Variants in ATP9B observed in about 807,000 individuals in gnomAD.
ATP9B encodes the protein ATPase phospholipid transporting 9B, also known as probable phospholipid-transporting ATPase IIB.
Under a neutral mutation model 146.1 loss-of-function variants are expected in ATP9B, and 110 were observed. That is an observed-to-expected ratio of 0.75 (90% CI 0.65 to 0.88). The LOEUF is 0.88. ATP9B is among the 40% of genes least tolerant of loss of function. The pLI, the probability that ATP9B is intolerant of heterozygous loss-of-function variation, is 0.00. For synonymous variants in ATP9B, 604 were observed against 569.7 expected (o/e 1.06, Z -0.86); for missense variants, 1,499 against 1,496.4 (o/e 1.00, Z -0.03).
intron 19 of ATP9B, among the ~76,000 whole-genome samples, chr18:79,338,110 T>G (rs565979422): frequency 6.6e-6 from 1 of 152,302 alleles, no homozygotes; most frequent in African/African-American, 2.4e-5. Context: ...CATGTTAGAG[T>G]TGAGAATATA....
chr18:79,078,677 T>TA (rs1001839964), intron 1 of ATP9B, among the ~76,000 whole-genome samples: 1 of 151,664 alleles, frequency 6.6e-6, no homozygotes, highest in Non-Finnish European at 1.5e-5. Flanking sequence ...TTTTTTTTTT[T>TA]ATGCTTTAAG....
chr18:79,175,525 C>T (rs536995887), intron 7 of ATP9B, among the ~76,000 whole-genome samples: 18 of 152,272 alleles, frequency 1.2e-4, no homozygotes, highest in Admixed American at 5.9e-4. Flanking sequence ...GATACACTCA[C>T]ACACAGAGGC....
chr18:79,330,672 C>T (rs534538711), intron 17 of ATP9B, among the ~76,000 whole-genome samples: 1 of 152,146 alleles, frequency 6.6e-6, no homozygotes, highest in African/African-American at 2.4e-5. Context: ...GTCGGCCTCC[C>T]AAAGTGCTGG....
At chr18:79,203,688 TC>T (rs2095509249) in intron 9 of ATP9B, among the ~76,000 whole-genome samples, 1 of 152,226 alleles carries the variant, frequency 6.6e-6, no homozygotes, top group Non-Finnish European at 1.5e-5. Flanking sequence ...TTTTATTGCT[TC>T]AAGTTTTAAA....
At chr18:79,091,554 A>T (rs1039141473) in intron 1 of ATP9B, among the ~76,000 whole-genome samples, 2 of 152,080 alleles carry the variant, frequency 1.3e-5, no homozygotes, top group Non-Finnish European at 2.9e-5. Flanking sequence ...TGTAAATGGG[A>T]TTACTTTTAA....
chr18:79,232,465 G>A (rs1454029009), intron 11 of ATP9B, among the ~76,000 whole-genome samples: 1 of 152,210 alleles, frequency 6.6e-6, no homozygotes, highest in Admixed American at 6.5e-5. Flanking sequence ...ACCTACAGCT[G>A]CAGCAGACAT....
chr18:79,350,135 T>C (rs2096914791), intron 25 of ATP9B, among the ~76,000 whole-genome samples: 1 of 152,214 alleles, frequency 6.6e-6, no homozygotes, highest in Admixed American at 6.5e-5. Context: ...GGCTCACAGC[T>C]ACCAAGACTC....
At chr18:79,361,493 T>C (rs944757961) in intron 26 of ATP9B, 2 of 145,944 alleles carry the variant, frequency 1.4e-5, no homozygotes, top group African/African-American at 5.1e-5. Context: ...TGTTTTAGTA[T>C]CCTAAAGTCA....
intron 7 of ATP9B, among the ~76,000 whole-genome samples, chr18:79,176,582 A>T (rs1481846663): frequency 6.6e-6 from 1 of 152,246 alleles, no homozygotes; most frequent in African/African-American, 2.4e-5. Context: ...AATAGGAAAT[A>T]AGTGATTTAA....
At chr18:79,265,806 T>G (rs2096197865) in intron 12 of ATP9B, among the ~76,000 whole-genome samples, 1 of 152,306 alleles carries the variant, frequency 6.6e-6, no homozygotes, top group Non-Finnish European at 1.5e-5. Context: ...TCATAAAATC[T>G]TCACCCATGC....
At chr18:79,348,529 G>A (rs1299995179) in intron 25 of ATP9B, among the ~76,000 whole-genome samples, 3 of 152,260 alleles carry the variant, frequency 2.0e-5, no homozygotes, top group Admixed American at 2.0e-4. Context: ...CCGGCTCTCT[G>A]CAGGCTGCCC....
At chr18:79,232,008 G>A (rs2148585015) in intron 11 of ATP9B, among the ~76,000 whole-genome samples, 1 of 152,128 alleles carries the variant, frequency 6.6e-6, no homozygotes, top group South Asian at 2.1e-4. Flanking sequence ...TGGGGACTTG[G>A]GGGAAAGGGT....
chr18:79,186,191 AT>A (rs1211146718), intron 8 of ATP9B, among the ~76,000 whole-genome samples: 1 of 152,188 alleles, frequency 6.6e-6, no homozygotes, highest in African/African-American at 2.4e-5. Flanking sequence ...AAACAATACC[AT>A]TTACATTTAA....
rs148501613 is a variant in ATP9B, at chr18:79,072,845, C to A, written c.119+3316C>A. Among the ~76,000 whole-genome samples, 463 of 150,600 alleles carry A rather than the reference C, an allele frequency of 3.1e-3. 1 individual carries two copies. Among genetic ancestry groups the A allele is most frequent in the Non-Finnish European group, 4.3e-3 (287 of 67,502 alleles). ...CTCCTCACCTCTCAGATGGGGCGGC[C>A]GGGCAGAGGCGCTCCTCAGTTCCCA... On this transcript the variant is annotated intron_variant, in intron 1 of 29. Coordinates refer to ENST00000426216, the MANE Select transcript of ATP9B (RefSeq NM_198531.5).
chr18:79,131,778 A>G (rs887651900), intron 5 of ATP9B, among the ~76,000 whole-genome samples: 1 of 152,268 alleles, frequency 6.6e-6, no homozygotes. Flanking sequence ...TTATTCAGGC[A>G]TAGAAATCAT....
chr18:79,288,860 T>C (rs1260262528), intron 13 of ATP9B, among the ~76,000 whole-genome samples: 1 of 152,172 alleles, frequency 6.6e-6, no homozygotes, highest in Non-Finnish European at 1.5e-5. Flanking sequence ...ATTTTATTTC[T>C]CCTTCACTTA....
intron 8 of ATP9B, among the ~76,000 whole-genome samples, chr18:79,177,199 C>T (rs1267526544): frequency 2.6e-5 from 4 of 151,900 alleles, no homozygotes; most frequent in South Asian, 2.1e-4. Context: ...CCCCCTCTTC[C>T]GCCTCCTCCT....
intron 1 of ATP9B, among the ~76,000 whole-genome samples, chr18:79,070,149 C>A (rs1410694939): frequency 6.6e-6 from 1 of 152,116 alleles, no homozygotes. Context: ...CTTTCATACT[C>A]GAGATTGCAT....
rs147895835 is a variant in ATP9B, at chr18:79,144,930, G to A, written c.726+1070G>A. On this transcript the variant is annotated intron_variant, in intron 6 of 29. Coordinates refer to ENST00000426216, the MANE Select transcript of ATP9B (RefSeq NM_198531.5). ...ATTACAAAAGAAGAAGTTTAGATCA[G>A]TGTACGAAGAAGCTATAAGAAAAAC... 6.4e-3 allele frequency: 1,335 copies of A among 209,416 alleles called. 3 individuals carry two copies. Among genetic ancestry groups the A allele is most frequent in the Non-Finnish European group, 0.01 (1,073 of 102,502 alleles). 13.0% of individuals were successfully genotyped at this position (209,416 alleles called of 1,614,324 possible).
Sources: allele counts gnomAD v4.1 joint callset (sites outside exome capture counted in the v4.1 genomes callset), GRCh38; gene constraint gnomAD v4.1.1; transcripts MANE v1.5; gene names NCBI Gene and HGNC (gene_info 2026-07-23, HGNC 2026-07-21).